The following ADARB2 variants were observed in gnomAD, a reference collection of about 807,000 sequenced individuals.
ADARB2 encodes the protein inactive double-stranded RNA-specific editase B2.
Under a neutral mutation model 62.2 loss-of-function variants are expected in ADARB2, and 25 were observed. That is an observed-to-expected ratio of 0.40 (90% CI 0.29 to 0.56). ADARB2 has a LOEUF of 0.56. Among genes scored for constraint, ADARB2 ranks in the 20% least tolerant of loss-of-function variants. The pLI is 0.43. For synonymous variants in ADARB2, 572 were observed against 500.8 expected (o/e 1.14, Z -1.90); for missense variants, 1,071 against 1,077.4 (o/e 0.99, Z 0.08).
At chr10:1,193,687 C>G (rs1414824290) in intron 8 of ADARB2, among the ~76,000 whole-genome samples, 1 of 152,202 alleles carries the variant, frequency 6.6e-6, no homozygotes, top group Non-Finnish European at 1.5e-5. Flanking sequence ...AACGCTGTCT[C>G]ACCTTCGTTT....
chr10:1,204,830 C>T (rs1589150638), intron 7 of ADARB2, among the ~76,000 whole-genome samples: 1 of 152,210 alleles, frequency 6.6e-6, no homozygotes, highest in South Asian at 2.1e-4. Context: ...GTGACTGATG[C>T]GTAGGAGGAA....
rs150413913 is a variant in ADARB2, at chr10:1,255,996, C to T, written c.1193-13697G>A. On this transcript the variant is annotated intron_variant, in intron 4 of 9. Coordinates refer to ENST00000381312, the MANE Select transcript of ADARB2 (RefSeq NM_018702.4). The surrounding 1 kb of genome is among the most constrained non-coding windows in gnomAD (Gnocchi z 4.7). Reference sequence around the variant, plus strand: ...ACTTGACTTTTCCAAAGTATACTTGCGGGGCATGAGAATGGACAGGCAGAT... The same window carrying T: ...ACTTGACTTTTCCAAAGTATACTTGTGGGGCATGAGAATGGACAGGCAGAT... Among the ~76,000 whole-genome samples the T allele has an allele frequency of 2.6e-4, 40 of 152,318 alleles. No individual in the cohort carries two copies. Among genetic ancestry groups the T allele is most frequent in the Admixed American group, 9.8e-4 (15 of 15,300 alleles).
At chr10:1,574,466 C>T (rs1458008279) in intron 1 of ADARB2, among the ~76,000 whole-genome samples, 4 of 152,168 alleles carry the variant, frequency 2.6e-5, no homozygotes, top group Non-Finnish European at 4.4e-5. Context: ...GAAAGCACCA[C>T]AGAGAACAGA....
In ADARB2 at chr10:1,426,394, T is replaced by G. The variant is rs1361379395; in HGVS notation, c.101-47234A>C. On this transcript the variant is annotated intron_variant, in intron 1 of 9. Coordinates refer to ENST00000381312, the MANE Select transcript of ADARB2 (RefSeq NM_018702.4). This position sits in a 1 kb window ranked among gnomAD's most constrained non-coding sequence, Gnocchi z 4.1. ...AATCCTTTCTTTTTCTCTTTAAATT[T>G]CATGTTCCCTTGTCATTGTTGCTGT... Among the ~76,000 whole-genome samples the G allele has an allele frequency of 6.6e-6, 1 of 152,166 alleles. No homozygotes were observed. The highest frequency in any genetic ancestry group is 1.5e-5 in the Non-Finnish European group (1 of 68,032).
rs551546563 is a variant in ADARB2, at chr10:1,419,318, A to G, written c.101-40158T>C. 9.2e-5 allele frequency among the ~76,000 whole-genome samples: 14 copies of G among 152,182 alleles called. No individual in the cohort carries two copies. In the South Asian group the frequency reaches 2.9e-3, roughly 32 times the overall value. On this transcript the variant is annotated intron_variant, in intron 1 of 9. Coordinates refer to ENST00000381312, the MANE Select transcript of ADARB2 (RefSeq NM_018702.4). ...ACCATGTTGATCAGGCTGGTCTCGA[A>G]CTCCTGACCTCATTTTATTGATCAT...
At chr10:1,303,092 G>C (rs1437528578) in intron 3 of ADARB2, among the ~76,000 whole-genome samples, 1 of 152,040 alleles carries the variant, frequency 6.6e-6, no homozygotes, top group African/African-American at 2.4e-5. Flanking sequence ...GCTACGGGAG[G>C]ACATTCAAAC....
rs1340590669 is a variant in ADARB2, at chr10:1,250,323, C to T, written c.1193-8024G>A. On this transcript the variant is annotated intron_variant, in intron 4 of 9. Transcript: ENST00000381312. ...TGGCGGTGTTGGGGGGTGATGGGAC[C>T]TAGTGGGAGGTGTTTGGGTCATGGG... Among the ~76,000 whole-genome samples the T allele has an allele frequency of 2.0e-5, 3 of 151,948 alleles. No individual in the cohort carries two copies. In the East Asian group the frequency reaches 5.8e-4, roughly 29 times the overall value.
intron 1 of ADARB2, among the ~76,000 whole-genome samples, chr10:1,666,468 C>T (rs1834317509): frequency 6.6e-6 from 1 of 152,222 alleles, no homozygotes; most frequent in African/African-American, 2.4e-5. Context: ...CTGTGTTCCC[C>T]CAATCGTGTT....
intron 2 of ADARB2, among the ~76,000 whole-genome samples, chr10:1,374,572 G>A (rs1832404904): frequency 6.6e-6 from 1 of 152,230 alleles, no homozygotes; most frequent in Admixed American, 6.5e-5. Context: ...CAAAGGTGGA[G>A]AGCATGTGCG....
intron 1 of ADARB2, among the ~76,000 whole-genome samples, chr10:1,612,703 G>A (rs1253304800): frequency 6.6e-6 from 1 of 152,166 alleles, no homozygotes; most frequent in African/African-American, 2.4e-5. Flanking sequence ...CCCTTGAGCT[G>A]GATCCAGCCA....
At chr10:1,199,933 G>C in intron 8 of ADARB2, 33 bp downstream of exon 8, 2 of 1,482,916 alleles carry the variant, frequency 1.3e-6, no homozygotes, top group South Asian at 1.4e-5. Flanking sequence ...TGGTGGGAAG[G>C]AGGTGGAGGG....
chr10:1,598,634 C>T (rs1043096661), intron 1 of ADARB2, among the ~76,000 whole-genome samples: 7 of 152,116 alleles, frequency 4.6e-5, no homozygotes, highest in Admixed American at 2.0e-4. Context: ...GACAGCAAGC[C>T]CCTGAGAGGA....
At chr10:1,475,168 GCC>G (rs962066133) in intron 1 of ADARB2, among the ~76,000 whole-genome samples, 1 of 151,964 alleles carries the variant, frequency 6.6e-6, no homozygotes, top group African/African-American at 2.4e-5. Context: ...GCACTCAGGA[GCC>G]CCCCCGGGGC....
intron 1 of ADARB2, among the ~76,000 whole-genome samples, chr10:1,584,337 A>G (rs1833146157): frequency 7.4e-6 from 1 of 135,806 alleles, no homozygotes; most frequent in South Asian, 2.5e-4. Flanking sequence ...CAACCTATGA[A>G]AAGTCGCCCC....
At chr10:1,700,947 G>A (rs1444087678) in intron 1 of ADARB2, among the ~76,000 whole-genome samples, 1 of 6,300 alleles carries the variant, frequency 1.6e-4, no homozygotes, top group Non-Finnish European at 1.6e-3. Flanking sequence ...CCACTCCACC[G>A]GGAGACCAGG....
rs375047611 is a variant in ADARB2 at position 1,223,641 on chromosome 10, G to T, written c.1514-6522C>A. Among the ~76,000 whole-genome samples the T allele has an allele frequency of 4.6e-5, 7 of 152,278 alleles. No individual in the cohort carries two copies. In the East Asian group the frequency reaches 1.2e-3, roughly 25 times the overall value. Reference sequence around the variant, plus strand: ...AGAGTTTTTACCATGAAGGGTTGTTGAATTTTGTCAAAGGCCTTTTCTGCA... The same window carrying T: ...AGAGTTTTTACCATGAAGGGTTGTTTAATTTTGTCAAAGGCCTTTTCTGCA... On this transcript the variant is annotated intron_variant, in intron 6 of 9. Coordinates refer to ENST00000381312, the MANE Select transcript of ADARB2 (RefSeq NM_018702.4).
intron 1 of ADARB2, among the ~76,000 whole-genome samples, chr10:1,601,301 C>T (rs1833409920): frequency 6.6e-6 from 1 of 152,128 alleles, no homozygotes; most frequent in Non-Finnish European, 1.5e-5. Flanking sequence ...CCAGGTGGGC[C>T]CCCACTGGTG....
intron 4 of ADARB2, among the ~76,000 whole-genome samples, chr10:1,264,911 T>C (rs1161528669): frequency 2.6e-5 from 4 of 152,212 alleles, no homozygotes; most frequent in Non-Finnish European, 4.4e-5. Flanking sequence ...ATAAAAGCCA[T>C]ATTTTCAGAA....
chr10:1,452,679 A>T (rs1293891897), intron 1 of ADARB2, among the ~76,000 whole-genome samples: 3 of 151,894 alleles, frequency 2.0e-5, no homozygotes, highest in Non-Finnish European at 2.9e-5. Flanking sequence ...GAGGGACAGC[A>T]CTAGGAGAAC....
Sources: gnomAD v4.1 joint callset for allele counts (sites outside exome capture counted in the v4.1 genomes callset) on GRCh38, gnomAD v4.1.1 for gene constraint, Gnocchi (gnomAD v3.1) non-coding constraint, MANE v1.5 for transcripts, NCBI Gene and HGNC (gene_info 2026-07-23, HGNC 2026-07-21) for gene names.